NAV1: variants seen among roughly 807,000 people sequenced by gnomAD.
NAV1 encodes the protein pore membrane and/or filament interacting like protein 3.
Under a neutral mutation model 175.2 loss-of-function variants are expected in NAV1, and 18 were observed. The observed-to-expected ratio is 0.10, with a 90% CI of 0.07 to 0.15. The LOEUF is 0.15. NAV1 is among the 10% of genes least tolerant of loss of function. The pLI is 1.00. For synonymous variants in NAV1, 897 were observed against 978.7 expected (o/e 0.92, Z 1.56); for missense variants, 1,731 against 2,436.6 (o/e 0.71, Z 6.10).
At chr1:201,737,098 C>A (rs1673147026) in intron 3 of NAV1, among the ~76,000 whole-genome samples, 1 of 152,144 alleles carries the variant, frequency 6.6e-6, no homozygotes. Context: ...TCCCCATTGA[C>A]AGGGGAGGCT....
chr1:201,544,710 T>C (rs1665618400), intron 1 of NAV1, among the ~76,000 whole-genome samples: 1 of 152,212 alleles, frequency 6.6e-6, no homozygotes, highest in Non-Finnish European at 1.5e-5. Flanking sequence ...CTGAATAAAG[T>C]GGAGGATATT....
chr1:201,733,244 G>T (rs111473434), intron 3 of NAV1, among the ~76,000 whole-genome samples: 37,170 of 151,918 alleles, frequency 0.24, 5,119 homozygotes, highest in Non-Finnish European at 0.31. Flanking sequence ...GCTGGGCATG[G>T]TGATGCGTGC....
intron 1 of NAV1, among the ~76,000 whole-genome samples, chr1:201,711,900 A>G (rs753907761): frequency 2.0e-5 from 3 of 152,212 alleles, no homozygotes; most frequent in Non-Finnish European, 4.4e-5. Flanking sequence ...TTCATGCTCA[A>G]GCACCTCTCA....
chr1:201,708,003 G>T (rs114222819), intron 1 of NAV1, among the ~76,000 whole-genome samples: 1 of 152,186 alleles, frequency 6.6e-6, no homozygotes. Context: ...AAAATGCCTC[G>T]TGGTGAACAT....
intron 3 of NAV1, among the ~76,000 whole-genome samples, chr1:201,742,604 CA>C (rs1673495883): frequency 6.6e-6 from 1 of 152,134 alleles, no homozygotes; most frequent in African/African-American, 2.4e-5. Context: ...TCCCATTCAG[CA>C]CTCCTAGACT....
intron 3 of NAV1, among the ~76,000 whole-genome samples, chr1:201,764,074 A>C (rs1675035662): frequency 6.6e-6 from 1 of 152,130 alleles, no homozygotes; most frequent in South Asian, 2.1e-4. Context: ...CGGGTATTTA[A>C]TTTTCCTATA....
chr1:201,615,260 TTTCTTTC>T (rs1667969330), intron 2 of NAV1, among the ~76,000 whole-genome samples: 1 of 135,250 alleles, frequency 7.4e-6, no homozygotes, highest in African/African-American at 3.3e-5. Flanking sequence ...TCTTTCTTTC[TTTCTTTC>T]TTTTTTTTTT....
intron 1 of NAV1, among the ~76,000 whole-genome samples, chr1:201,699,531 A>G (rs1671325092): frequency 6.6e-6 from 1 of 152,230 alleles, no homozygotes; most frequent in African/African-American, 2.4e-5. Context: ...TAATTTATAG[A>G]TTCAATGCCA....
intron 3 of NAV1, among the ~76,000 whole-genome samples, chr1:201,761,190 CT>C (rs1357402097): frequency 6.6e-6 from 1 of 152,046 alleles, no homozygotes; most frequent in African/African-American, 2.4e-5. Flanking sequence ...AAGTGGACTT[CT>C]TATTTAATAA....
chr1:201,558,822 C>T (rs375237016), intron 1 of NAV1, among the ~76,000 whole-genome samples: 4 of 152,160 alleles, frequency 2.6e-5, no homozygotes, highest in Non-Finnish European at 1.5e-5. Context: ...AATAAAACTT[C>T]AGGGAAGGAA....
chr1:201,671,891 C>T (rs1451995238), intron 1 of NAV1, among the ~76,000 whole-genome samples: 3 of 152,230 alleles, frequency 2.0e-5, no homozygotes, highest in Non-Finnish European at 2.9e-5. Flanking sequence ...GGCTCCATTT[C>T]TCCACAAGGA....
At chr1:201,720,524 C>A (rs889981127) in intron 3 of NAV1, among the ~76,000 whole-genome samples, 1 of 152,198 alleles carries the variant, frequency 6.6e-6, no homozygotes, top group Non-Finnish European at 1.5e-5. Context: ...AGAAAATACC[C>A]CAAGTGTTGC....
chr1:201,809,448 A>G, exon 22 of NAV1: 1 of 1,614,038 alleles, frequency 6.2e-7, no homozygotes, highest in Non-Finnish European at 8.5e-7. Context: ...ACAGGACTTG[A>G]AGCAGCAGGA....
intron 3 of NAV1, among the ~76,000 whole-genome samples, chr1:201,759,427 A>G (rs1028453224): frequency 6.6e-6 from 1 of 152,186 alleles, no homozygotes; most frequent in Non-Finnish European, 1.5e-5. Flanking sequence ...AGCATATCTA[A>G]TGTCGAAAAG....
upstream of NAV1, among the ~76,000 whole-genome samples, chr1:201,620,671 G>C (rs975133197): frequency 6.6e-6 from 1 of 151,918 alleles, no homozygotes; most frequent in Non-Finnish European, 1.5e-5. Flanking sequence ...GTTTTGCCAT[G>C]TTGGTCAGGC....
At chr1:201,817,185 A>C (rs1571522628) in exon 29 of NAV1, 1 of 1,614,046 alleles carries the variant, frequency 6.2e-7, no homozygotes, top group Non-Finnish European at 8.5e-7. Context: ...AAGCTGTACC[A>C]CCTGCCCCCA....
intron 1 of NAV1, among the ~76,000 whole-genome samples, chr1:201,664,932 G>A (rs1460428220): frequency 6.6e-6 from 1 of 152,060 alleles, no homozygotes; most frequent in Non-Finnish European, 1.5e-5. Context: ...GGTGTCCTTG[G>A]GTTACTGGGT....
At chr1:201,744,316 GTATT>G (rs201881780) in intron 3 of NAV1, among the ~76,000 whole-genome samples, 16,523 of 140,920 alleles carry the variant, frequency 0.12, 949 homozygotes, top group Middle Eastern at 0.21. Context: ...ATGTATGTAT[GTATT>G]TATTTATTTA....
At chr1:201,806,714 T>C (rs986027208) in intron 17 of NAV1, among the ~76,000 whole-genome samples, 2 of 152,238 alleles carry the variant, frequency 1.3e-5, no homozygotes, top group African/African-American at 2.4e-5. Flanking sequence ...TATGGTACTT[T>C]TGAGCCCTGA....
Sources: gnomAD v4.1 joint callset for allele counts (sites outside exome capture counted in the v4.1 genomes callset) on GRCh38, gnomAD v4.1.1 for gene constraint, MANE v1.5 for transcripts, NCBI Gene and HGNC (gene_info 2026-07-23, HGNC 2026-07-21) for gene names.